TM6SF1: variants seen among roughly 807,000 people sequenced by gnomAD.
TM6SF1 encodes transmembrane 6 superfamily member 1.
Under a neutral mutation model 47.1 loss-of-function variants are expected in TM6SF1, and 43 were observed. The observed-to-expected ratio is 0.91, with a 90% confidence interval of 0.72 to 1.18. The LOEUF is 1.18. Ranked by LOEUF, TM6SF1 falls within the 50% of genes most tolerant of loss-of-function variation. The pLI is 0.00. For synonymous variants in TM6SF1, 177 were observed against 166.3 expected (o/e 1.06, Z -0.49); for missense variants, 390 against 449.0 (o/e 0.87, Z 1.19).
At position 83,136,560 on chromosome 15, in the gene TM6SF1, T is replaced by G; in HGVS notation, c.1001T>G (p.Leu334Arg). The change falls in exon 10 of 10, where the codon CTT (leucine) becomes CGT (arginine). Residue 334 changes from leucine (L) to arginine (R), a missense_variant. By Grantham distance (102) the Leu-to-Arg change is moderately radical (BLOSUM62 -2). Coordinates refer to ENST00000322019, the MANE Select transcript of TM6SF1 (RefSeq NM_023003.5). Reference protein sequence around the residue: ...VYRVPEEAKILFLALNIAYGV... With the variant: ...VYRVPEEAKIRFLALNIAYGV... ...AGAGTCCCTGAAGAAGCAAAAATCCTTTTTTTAGCATTAAACATAGCATAT... is the reference window on the plus strand; with the variant it reads ...AGAGTCCCTGAAGAAGCAAAAATCCGTTTTTTAGCATTAAACATAGCATAT... 1 of 1,612,762 alleles carries G rather than the reference T, an allele frequency of 6.2e-7. No individual in the cohort carries two copies. Among genetic ancestry groups the G allele is most frequent in the Non-Finnish European group, 8.5e-7 (1 of 1,179,302 alleles).
intron 3 of TM6SF1, among the ~76,000 whole-genome samples, chr15:83,116,310 TACCCAACA>T (rs1238954467): frequency 3.9e-5 from 6 of 152,194 alleles, no homozygotes; most frequent in African/African-American, 1.4e-4. Flanking sequence ...ATTTGTAAAG[TACCCAACA>T]CAGAGGCACT....
chr15:83,125,001 C>T (rs1567147789), intron 7 of TM6SF1, among the ~76,000 whole-genome samples: 1 of 152,176 alleles, frequency 6.6e-6, no homozygotes, highest in Non-Finnish European at 1.5e-5. Flanking sequence ...TACTCAGAAG[C>T]ATCTTCCTCC....
rs1422041766 is a variant in TM6SF1 at position 83,124,154 on chromosome 15, G to C, written c.604-518G>C. On this transcript the variant is annotated intron_variant, in intron 6 of 9. Transcript: ENST00000322019. ...TCAGTTTGAGAAAATTTTTAAACAT[G>C]TGGGAAAGTGCTTATAATATAGGCA... Among the ~76,000 whole-genome samples, 4 of 152,290 alleles carry C rather than the reference G, an allele frequency of 2.6e-5. No homozygotes were observed. The East Asian group carries it at 7.7e-4, about 29-fold the overall frequency.
In TM6SF1 at chr15:83,119,733, G is replaced by A. The variant is rs766860709; in HGVS notation, c.398+52G>A. 13 of 1,610,628 alleles carry A rather than the reference G, an allele frequency of 8.1e-6. 1 individual carries two copies. Among genetic ancestry groups the A allele is most frequent in the South Asian group, 2.2e-5 (2 of 90,748 alleles). On this transcript the variant is annotated intron_variant, in intron 4 of 9. Transcript: ENST00000322019. ...TTTGCCACCTTAGCAACCGATAAGC[G>A]GGTATGTAAGGAAACGTTATGCATA...
At position 83,107,983 on chromosome 15, in the gene TM6SF1, A is replaced by C; in HGVS notation, c.92+211A>C. ...CTTGGAGCCGGGCCCTGAGGTGCCC[A>C]GGCTGGCGCATTTCGGGATGTTGGT... On this transcript the variant is annotated intron_variant, in intron 1 of 9. Transcript: ENST00000322019. The surrounding 1 kb of genome is among the most constrained non-coding windows in gnomAD (Gnocchi z 5.6). The C allele has an allele frequency of 9.7e-7, 1 of 1,025,650 alleles. No homozygotes were observed. The highest frequency in any genetic ancestry group is 4.4e-5 in the Admixed American group (1 of 22,690). 63.5% of individuals were successfully genotyped at this position (1,025,650 alleles called of 1,614,324 possible). A position where few individuals can be genotyped will look rare whatever the true frequency, so the allele number is the denominator to read the frequency against.
chr15:83,125,296 G>A (rs116869658), intron 7 of TM6SF1, among the ~76,000 whole-genome samples: 2,994 of 152,236 alleles, frequency 0.02, 40 homozygotes, highest in Admixed American at 0.03. Flanking sequence ...TGATGTGACT[G>A]AAATACATTA....
At chr15:83,123,702 G>T (rs888764719) in intron 6 of TM6SF1, among the ~76,000 whole-genome samples, 1 of 152,202 alleles carries the variant, frequency 6.6e-6, no homozygotes, top group African/African-American at 2.4e-5. Context: ...TCCCTCTGAG[G>T]AAAGAGGTGG....
chr15:83,111,723 A>G, intron 1 of TM6SF1: 1 of 978,684 alleles, frequency 1.0e-6, no homozygotes, highest in Non-Finnish European at 1.2e-6. Flanking sequence ...TATTTTGTCT[A>G]GAATTGGAAG....
intron 9 of TM6SF1, chr15:83,128,563 C>G (rs1273953357): frequency 6.6e-6 from 1 of 152,198 alleles, no homozygotes; most frequent in African/African-American, 2.4e-5. Flanking sequence ...TCAATACCAA[C>G]TATAAGCTGA....
In TM6SF1 at chr15:83,136,384, C is replaced by T. The variant is rs2036607114; in HGVS notation, c.922-97C>T. ...CTGCAGGTGAGACTGGTTTTGAGGG[C>T]ACAGAAACGTAGCCTGAATGAACCA... On this transcript the variant is annotated intron_variant, in intron 9 of 9. Coordinates refer to ENST00000322019, the MANE Select transcript of TM6SF1 (RefSeq NM_023003.5). 13 of 1,047,408 alleles carry T rather than the reference C, an allele frequency of 1.2e-5. No individual in the cohort carries two copies. In the Admixed American group the frequency reaches 4.0e-4, roughly 32 times the overall value. 64.9% of individuals were successfully genotyped at this position (1,047,408 alleles called of 1,614,324 possible).
intron 3 of TM6SF1, 65 bp downstream of exon 3, chr15:83,116,007 A>AC (rs1239267459): frequency 8.1e-7 from 1 of 1,241,254 alleles, no homozygotes; most frequent in African/African-American, 1.5e-5. Flanking sequence ...CACATTACTC[A>AC]GAGACAGAAA....
At chr15:83,114,973 G>C (rs2034522364) in intron 2 of TM6SF1, 1 of 152,166 alleles carries the variant, frequency 6.6e-6, no homozygotes, top group Non-Finnish European at 1.5e-5. Context: ...AACATCACTA[G>C]TCTTTTTTCT....
Position 83,112,811 on chromosome 15 carries a change from T to C in TM6SF1, c.107T>C (p.Val36Ala), listed in dbSNP as rs1420620677. Residue 36 changes from valine to alanine, a missense_variant, in exon 2 of 10, where the codon GTA becomes GCA. Transcript: ENST00000322019. Reference protein sequence around the residue: ...LAAQHDSWTIVGVAALILFLV... With the variant: ...LAAQHDSWTIAGVAALILFLV... ...GGTCGTTGCAGTTCCTGGACTATTG[T>C]AGGGGTTGCTGCCCTCATCCTGTTC... The C allele has an allele frequency of 1.2e-6, 2 of 1,613,894 alleles. No homozygotes were observed. The highest frequency in any genetic ancestry group is 8.5e-7 in the Non-Finnish European group (1 of 1,179,886).
rs1280667274 is a variant in TM6SF1, at chr15:83,124,765, T to G, written c.697T>G (p.Phe233Val). Residue 233 changes from phenylalanine (F) to valine (V), a missense_variant, in exon 7 of 10, where the codon TTC becomes GTC. Coordinates refer to ENST00000322019, the MANE Select transcript of TM6SF1 (RefSeq NM_023003.5). ...CLLLATGFCL[F>V]RGLIALDCPS... is the part of the protein sequence containing the mutation. ...CCTCCTGGCAACTGGATTTTGCCTG[T>G]TCAGAGGTTTGGTAAGCATAACAGA... is the stretch of plus-strand genomic sequence containing the variant. 6.2e-7 allele frequency: 1 copy of G among 1,613,576 alleles called. No homozygotes were observed. The highest frequency in any genetic ancestry group is 8.5e-7 in the Non-Finnish European group (1 of 1,179,472).
At chr15:83,124,839 A>G (rs908808370) in intron 7 of TM6SF1, 63 bp downstream of exon 7, 5 of 1,352,656 alleles carry the variant, frequency 3.7e-6, no homozygotes, top group Non-Finnish European at 5.2e-6. Flanking sequence ...AAATGGAAAA[A>G]AACTTAGAAA....
chr15:83,135,191 A>G (rs2151388505), intron 9 of TM6SF1: 1 of 152,372 alleles, frequency 6.6e-6, no homozygotes, highest in East Asian at 1.9e-4. Flanking sequence ...GCCCATTAAA[A>G]TATCTGCCAC....
intron 2 of TM6SF1, chr15:83,114,774 A>G (rs2034508048): frequency 6.6e-6 from 1 of 152,222 alleles, no homozygotes; most frequent in Non-Finnish European, 1.5e-5. Flanking sequence ...TTACAACTTG[A>G]AAATGCAGCT....
At chr15:83,136,423 A>ATGC in intron 9 of TM6SF1, 58 bp from the exon 10 acceptor site, 1 of 1,465,062 alleles carries the variant, frequency 6.8e-7, no homozygotes, top group Non-Finnish European at 9.2e-7. Flanking sequence ...AGAACTCATC[A>ATGC]TGCATCCAAC....
chr15:83,113,754 TG>T (rs1355476607), intron 2 of TM6SF1: 2 of 152,646 alleles, frequency 1.3e-5, no homozygotes, highest in African/African-American at 4.8e-5. Context: ...GCCCTTCTCA[TG>T]GCAGATACAG....
Sources: allele counts gnomAD v4.1 joint callset (sites outside exome capture counted in the v4.1 genomes callset), GRCh38; gene constraint gnomAD v4.1.1; non-coding constraint Gnocchi (gnomAD v3.1); transcripts MANE v1.5; gene names NCBI Gene and HGNC (gene_info 2026-07-23, HGNC 2026-07-21).